Variants in RYR3 observed in about 807,000 individuals in gnomAD.
RYR3 encodes brain ryanodine receptor-calcium release channel.
A neutral mutation model predicts 584.3 loss-of-function variants in RYR3; 207 were observed. The ratio of observed to expected loss-of-function variants is 0.35; its 90% CI spans 0.32 to 0.40. The LOEUF (loss-of-function observed/expected upper bound fraction) is 0.40, where lower values mean the gene tolerates loss of function less well. RYR3 is among the 10% of genes least tolerant of loss of function. RYR3 has a pLI of 1.00. For missense variants in RYR3, 5,616 were observed against 6,089.2 expected, an observed-to-expected ratio of 0.92 and a Z score of 2.59; for synonymous variants, 2,416 against 2,248.5, an observed-to-expected ratio of 1.07 and a Z score of -2.11.
intron 1 of RYR3, among the ~76,000 whole-genome samples, chr15:33,331,030 C>CTTTG (rs199583725): frequency 1.3e-3 from 201 of 152,220 alleles, no homozygotes; most frequent in Non-Finnish European, 2.4e-3. Flanking sequence ...AGTGACAGAA[C>CTTTG]TTTGTTTGTT....
At chr15:33,443,406 C>T (rs572946522) in intron 1 of RYR3, among the ~76,000 whole-genome samples, 35 of 152,206 alleles carry the variant, frequency 2.3e-4, no homozygotes, top group Non-Finnish European at 3.5e-4. Context: ...ATTAAGAACA[C>T]GACATAATTT....
At chr15:33,618,177 A>T (rs970852298) in intron 19 of RYR3, among the ~76,000 whole-genome samples, 38 of 152,174 alleles carry the variant, frequency 2.5e-4, no homozygotes, top group African/African-American at 8.9e-4. Flanking sequence ...TTTGCAGAAA[A>T]TTCATGAGTT....
chr15:33,338,166 C>T (rs932450746), intron 1 of RYR3, among the ~76,000 whole-genome samples: 4 of 151,980 alleles, frequency 2.6e-5, no homozygotes. Context: ...GGGATGATCT[C>T]GATCTTCTGA....
chr15:33,401,706 A>T (rs184588422), intron 1 of RYR3, among the ~76,000 whole-genome samples: 1 of 152,318 alleles, frequency 6.6e-6, no homozygotes, highest in East Asian at 1.9e-4. Flanking sequence ...ATAAGGATAC[A>T]TCTCAAAATG....
intron 1 of RYR3, among the ~76,000 whole-genome samples, chr15:33,314,472 G>T (rs1298702151): frequency 6.6e-6 from 1 of 152,164 alleles, no homozygotes. Context: ...AGTGCTAGGA[G>T]AAAACTTTTC....
intron 36 of RYR3, among the ~76,000 whole-genome samples, chr15:33,665,280 T>C (rs1345121798): frequency 6.6e-6 from 1 of 152,192 alleles, no homozygotes; most frequent in Non-Finnish European, 1.5e-5. Flanking sequence ...ATGACCTTTC[T>C]GTATCTGTTT....
At chr15:33,810,779 A>C (rs560559144) in intron 71 of RYR3, 130 bp downstream of exon 71, 1 of 1,184,262 alleles carries the variant, frequency 8.4e-7, no homozygotes, top group South Asian at 1.4e-5. Context: ...GTGTGTATGG[A>C]GGCAACACGC....
Position 33,817,231 on chromosome 15 carries a change from GT to G in RYR3, c.10599+275del, listed in dbSNP as rs1433570462. Reference sequence around the variant, plus strand: ...AAAATGCACCGCCATGTCATGGGGGGTTCATGCTAAGTGAAGTTTTGAGCAC... The same window carrying G: ...AAAATGCACCGCCATGTCATGGGGGGTCATGCTAAGTGAAGTTTTGAGCAC... On this transcript the variant is annotated intron_variant, in intron 75 of 103. Transcript: ENST00000634891. 2.0e-5 allele frequency among the ~76,000 whole-genome samples: 3 copies of G among 152,142 alleles called. No individual in the cohort carries two copies. In the East Asian group the frequency reaches 5.8e-4, roughly 29 times the overall value.
intron 4 of RYR3, among the ~76,000 whole-genome samples, chr15:33,532,939 A>G (rs1340617728): frequency 6.6e-6 from 1 of 152,154 alleles, no homozygotes; most frequent in Non-Finnish European, 1.5e-5. Context: ...AAACATAGAT[A>G]GACCACATCT....
chr15:33,399,698 T>A (rs1247754569), intron 1 of RYR3, among the ~76,000 whole-genome samples: 1 of 152,258 alleles, frequency 6.6e-6, no homozygotes, highest in Non-Finnish European at 1.5e-5. Flanking sequence ...CTGCTTTACC[T>A]GTACCTCCTC....
Position 33,631,367 on chromosome 15 carries a change from C to G in RYR3, c.2867+74C>G. 3 of 966,368 alleles carry G rather than the reference C, an allele frequency of 3.1e-6. 1 individual carries two copies. In the South Asian group the frequency reaches 4.5e-5, roughly 15 times the overall value. The allele number at this position is 966,368 out of a possible 1,614,324, so 59.9% of individuals were successfully genotyped here. A position where few individuals can be genotyped will look rare whatever the true frequency, so the allele number is the denominator to read the frequency against. On this transcript the variant is annotated intron_variant, in intron 23 of 103. Coordinates refer to ENST00000634891, the MANE Select transcript of RYR3 (RefSeq NM_001036.6). Reference sequence around the variant, plus strand: ...GATTTTTAATCCAGGAGGGTGGTACCAAGACAGACAACAGCCCACATAGTT... The same window carrying G: ...GATTTTTAATCCAGGAGGGTGGTACGAAGACAGACAACAGCCCACATAGTT...
At chr15:33,373,285 C>T (rs1043863079) in intron 1 of RYR3, among the ~76,000 whole-genome samples, 1 of 152,180 alleles carries the variant, frequency 6.6e-6, no homozygotes, top group African/African-American at 2.4e-5. Context: ...CCCTTTTCTA[C>T]CATCTCTATA....
At chr15:33,336,682 T>C (rs1193479102) in intron 1 of RYR3, among the ~76,000 whole-genome samples, 5 of 151,566 alleles carry the variant, frequency 3.3e-5, no homozygotes, top group Non-Finnish European at 4.4e-5. Context: ...GTGAGCTCCA[T>C]GCAAAGGAGA....
chr15:33,315,946 G>A (rs1567012154), intron 1 of RYR3, among the ~76,000 whole-genome samples: 1 of 152,194 alleles, frequency 6.6e-6, no homozygotes, highest in Non-Finnish European at 1.5e-5. Flanking sequence ...TAGGTTTGCA[G>A]TTGAAGAATG....
rs1192737998 is a variant in RYR3, at chr15:33,865,586, T to G, written c.*360T>G. The G allele has an allele frequency of 5.1e-6, 1 of 195,550 alleles. No individual in the cohort carries two copies. Among genetic ancestry groups the G allele is most frequent in the Non-Finnish European group, 1.1e-5 (1 of 94,300 alleles). 12.1% of individuals were successfully genotyped at this position (195,550 alleles called of 1,614,324 possible). On this transcript the variant is annotated 3_prime_UTR_variant, in exon 104 of 104. Coordinates refer to ENST00000634891, the MANE Select transcript of RYR3 (RefSeq NM_001036.6). ...TCTCGAATGTGTAATACCTGAAAAT[T>G]TAAACACTTGAATGTCATCATGGTA...
intron 3 of RYR3, among the ~76,000 whole-genome samples, chr15:33,508,826 C>G (rs1187840698): frequency 1.3e-5 from 2 of 152,122 alleles, no homozygotes; most frequent in Admixed American, 6.5e-5. Flanking sequence ...TTGATTTATT[C>G]TTGTCTTTAC....
At chr15:33,490,744 TAAAAAAA>T (rs3084449) in intron 2 of RYR3, among the ~76,000 whole-genome samples, 4 of 142,334 alleles carry the variant, frequency 2.8e-5, no homozygotes, top group Non-Finnish European at 6.1e-5. Context: ...TTACTCTTGT[TAAAAAAA>T]AAAAAAAAGA....
chr15:33,698,169 G>A (rs1395053487), intron 40 of RYR3, among the ~76,000 whole-genome samples, 173 bp downstream of exon 40: 1 of 152,190 alleles, frequency 6.6e-6, no homozygotes, highest in East Asian at 1.9e-4. Context: ...CTGCTGGACG[G>A]AATCCCATTG....
intron 8 of RYR3, among the ~76,000 whole-genome samples, chr15:33,547,778 G>A (rs2056358345): frequency 6.6e-6 from 1 of 152,188 alleles, no homozygotes; most frequent in Non-Finnish European, 1.5e-5. Flanking sequence ...AGCTTGACCT[G>A]AAGGAACTGG....
Sources: gnomAD v4.1 joint callset for allele counts (sites outside exome capture counted in the v4.1 genomes callset) on GRCh38, gnomAD v4.1.1 for gene constraint, MANE v1.5 for transcripts, NCBI Gene and HGNC (gene_info 2026-07-23, HGNC 2026-07-21) for gene names.